LINGO2: variants seen among roughly 807,000 people sequenced by gnomAD.
LINGO2 encodes the protein leucine-rich repeat and immunoglobulin-like domain-containing nogo receptor-interacting protein 2.
Under a neutral mutation model 30.6 loss-of-function variants are expected in LINGO2, and 14 were observed. The ratio of observed to expected loss-of-function variants is 0.46; its 90% CI spans 0.30 to 0.72. The LOEUF (loss-of-function observed/expected upper bound fraction) is 0.72. Among genes scored for constraint, LINGO2 ranks in the 30% least tolerant of loss-of-function variants. The probability of loss-of-function intolerance (pLI) is 0.07; values close to 1 mark genes in which losing one functional copy is unlikely to be tolerated. For synonymous variants in LINGO2, 317 were observed against 288.5 expected (o/e 1.10, Z -1.00); for missense variants, 729 against 751.7 (o/e 0.97, Z 0.35).
the LINGO2 span, among the ~76,000 whole-genome samples, chr9:29,130,551 C>CA: frequency 2.0e-5 from 3 of 152,060 alleles, no homozygotes; most frequent in Non-Finnish European, 1.5e-5. Flanking sequence ...TCCCCCAGAG[C>CA]AAAAATTAAT....
chr9:28,095,006 T>C (rs950521377), intron 4 of LINGO2, among the ~76,000 whole-genome samples: 3 of 152,152 alleles, frequency 2.0e-5, no homozygotes, highest in African/African-American at 4.8e-5. Flanking sequence ...TATAATATTT[T>C]AAAAATTTAG....
chr9:28,231,575 AG>A (rs529636666), intron 4 of LINGO2, among the ~76,000 whole-genome samples: 18 of 152,286 alleles, frequency 1.2e-4, no homozygotes, highest in South Asian at 2.1e-4. Flanking sequence ...TTTGGGAACA[AG>A]CATGAGATAT....
intron 4 of LINGO2, among the ~76,000 whole-genome samples, chr9:28,091,255 A>G (rs1163714615): frequency 6.6e-6 from 1 of 152,236 alleles, no homozygotes; most frequent in Non-Finnish European, 1.5e-5. Context: ...CTGCATTGCC[A>G]AGTCAATGCT....
intron 1 of LINGO2, among the ~76,000 whole-genome samples, chr9:28,628,268 A>T (rs1826774995): frequency 6.6e-6 from 1 of 152,080 alleles, no homozygotes; most frequent in Non-Finnish European, 1.5e-5. Context: ...TTTTGTAGAA[A>T]GCTGCATATA....
intron 1 of LINGO2, among the ~76,000 whole-genome samples, chr9:28,661,937 G>T (rs987651919): frequency 6.6e-6 from 1 of 152,124 alleles, no homozygotes; most frequent in African/African-American, 2.4e-5. Flanking sequence ...TACTCATGAG[G>T]ATGGCATATT....
At chr9:28,610,286 T>G (rs1825861162) in intron 1 of LINGO2, among the ~76,000 whole-genome samples, 1 of 152,184 alleles carries the variant, frequency 6.6e-6, no homozygotes, top group Non-Finnish European at 1.5e-5. Flanking sequence ...ATTGTTTTTA[T>G]CAGATTAGTA....
rs548027444 is a variant in LINGO2, at chr9:28,231,468, A to G, written c.-87+63740T>C. Among the ~76,000 whole-genome samples, 408 of 152,220 alleles carry G rather than the reference A, an allele frequency of 2.7e-3. 4 individuals carry two copies. The highest frequency in any genetic ancestry group is 4.8e-3 in the Non-Finnish European group (323 of 67,962). On this transcript the variant is annotated intron_variant, in intron 4 of 5. Coordinates refer to ENST00000379992, the Ensembl canonical transcript of LINGO2. ...ATTCTTAAATATTTAAGAAATGTTT[A>G]ATTTTTTAAAAGGAAGTATGAAAAT...
chr9:28,138,836 G>T (rs1006840331), intron 4 of LINGO2, among the ~76,000 whole-genome samples: 3 of 152,042 alleles, frequency 2.0e-5, no homozygotes, highest in African/African-American at 7.2e-5. Context: ...GTTCCACAAC[G>T]CAAGACCTTC....
chr9:28,993,012 A>G, the LINGO2 span, among the ~76,000 whole-genome samples: 1 of 152,078 alleles, frequency 6.6e-6, no homozygotes, highest in South Asian at 2.1e-4. Context: ...AATAACTAAA[A>G]TCAGAGCAGA....
the LINGO2 span, among the ~76,000 whole-genome samples, chr9:29,146,849 A>G: frequency 2.0e-5 from 3 of 152,102 alleles, no homozygotes; most frequent in East Asian, 3.9e-4. Flanking sequence ...GCATTTTTAA[A>G]TGGAGAAATA....
chr9:28,340,285 T>C (rs1431701495), intron 3 of LINGO2, among the ~76,000 whole-genome samples: 1 of 152,152 alleles, frequency 6.6e-6, no homozygotes, highest in East Asian at 1.9e-4. Context: ...CATAAAGCTT[T>C]GAAGCACAAT....
intron 4 of LINGO2, among the ~76,000 whole-genome samples, chr9:28,234,333 A>G (rs1008386884): frequency 3.9e-5 from 6 of 152,282 alleles, no homozygotes; most frequent in Non-Finnish European, 8.8e-5. Context: ...GGTAGCCACA[A>G]GCAGAAGCTT....
chr9:28,529,917 C>A (rs1821165357), intron 1 of LINGO2, among the ~76,000 whole-genome samples: 1 of 151,968 alleles, frequency 6.6e-6, no homozygotes, highest in Non-Finnish European at 1.5e-5. Context: ...GTTATTCAAT[C>A]TTGACTTTAT....
intron 4 of LINGO2, among the ~76,000 whole-genome samples, chr9:28,081,466 A>T (rs1343756275): frequency 6.6e-6 from 1 of 152,212 alleles, no homozygotes; most frequent in Non-Finnish European, 1.5e-5. Flanking sequence ...GTGGTATATA[A>T]TGGTAATGTT....
At chr9:28,336,504 A>G (rs1011580722) in intron 3 of LINGO2, among the ~76,000 whole-genome samples, 4 of 152,132 alleles carry the variant, frequency 2.6e-5, no homozygotes, top group Non-Finnish European at 4.4e-5. Context: ...GGTCATAAAG[A>G]CTTTCTATAC....
chr9:28,151,809 A>G (rs1357067751), intron 4 of LINGO2, among the ~76,000 whole-genome samples: 1 of 152,132 alleles, frequency 6.6e-6, no homozygotes, highest in Non-Finnish European at 1.5e-5. Flanking sequence ...GACTAAATTT[A>G]ATAAGAACTA....
intron 1 of LINGO2, among the ~76,000 whole-genome samples, chr9:28,524,526 C>A (rs189769897): frequency 6.6e-6 from 1 of 151,898 alleles, no homozygotes; most frequent in African/African-American, 2.4e-5. Flanking sequence ...AGGCTGAGGC[C>A]GGGGGATCAC....
chr9:29,187,109 G>C, the LINGO2 span, among the ~76,000 whole-genome samples: 16 of 152,240 alleles, frequency 1.1e-4, no homozygotes, highest in South Asian at 6.2e-4. Flanking sequence ...TCTGAACCAA[G>C]ATTTCTGAGA....
the LINGO2 span, among the ~76,000 whole-genome samples, chr9:28,895,264 AT>A: frequency 6.6e-6 from 1 of 152,156 alleles, no homozygotes; most frequent in Non-Finnish European, 1.5e-5. Context: ...CAGAATCAAA[AT>A]GGAGAAACTA....
Sources: gnomAD v4.1 joint callset for allele counts (sites outside exome capture counted in the v4.1 genomes callset) on GRCh38, gnomAD v4.1.1 for gene constraint, MANE v1.5 for transcripts, NCBI Gene and HGNC (gene_info 2026-07-23, HGNC 2026-07-21) for gene names.